VAT1L: variants seen among roughly 807,000 people sequenced by gnomAD.
The protein encoded by VAT1L is vesicle amine transport 1 like, also known as putative NADPH-dependent quinone oxidoreductase VAT1L.
In VAT1L, 34 loss-of-function variants were observed where a neutral mutation model predicts 44.1. That is an observed-to-expected ratio of 0.77 (90% confidence interval 0.59 to 1.03). The LOEUF is 1.03. VAT1L is among the 50% of genes least tolerant of loss of function. The pLI, the probability that VAT1L is intolerant of heterozygous loss-of-function variation, is 0.00. For synonymous variants in VAT1L, 253 were observed against 202.2 expected (o/e 1.25, Z -2.13); for missense variants, 615 against 538.8 (o/e 1.14, Z -1.40).
chr16:77,833,292 A>T (rs577255052), intron 3 of VAT1L, among the ~76,000 whole-genome samples: 6 of 152,338 alleles, frequency 3.9e-5, no homozygotes, highest in South Asian at 4.1e-4. Context: ...GTGCTACACC[A>T]GGGAGATACA....
intron 7 of VAT1L, among the ~76,000 whole-genome samples, chr16:77,912,691 A>T (rs2017511468): frequency 6.6e-6 from 1 of 152,144 alleles, no homozygotes; most frequent in Non-Finnish European, 1.5e-5. Flanking sequence ...TCTTGACCTC[A>T]CCCCACCTGA....
At chr16:77,950,223 A>C (rs2018025103) in intron 7 of VAT1L, among the ~76,000 whole-genome samples, 1 of 152,166 alleles carries the variant, frequency 6.6e-6, no homozygotes, top group Non-Finnish European at 1.5e-5. Context: ...AGCCTGGCCA[A>C]CATGGGGAAA....
intron 3 of VAT1L, among the ~76,000 whole-genome samples, chr16:77,857,286 A>G (rs146129028): frequency 4.6e-5 from 7 of 152,280 alleles, no homozygotes; most frequent in Admixed American, 4.6e-4. Flanking sequence ...CACAAATGTT[A>G]TTGAGTCCAT....
intron 3 of VAT1L, among the ~76,000 whole-genome samples, chr16:77,826,194 G>A (rs546863158): frequency 7.7e-6 from 1 of 130,060 alleles, no homozygotes. Flanking sequence ...GCGACAGAGC[G>A]AGACTCCGTC....
chr16:77,886,901 ATGTG>A (rs1004318309), intron 7 of VAT1L, among the ~76,000 whole-genome samples: 13 of 152,246 alleles, frequency 8.5e-5, no homozygotes, highest in East Asian at 5.8e-4. Flanking sequence ...ACTACCATAT[ATGTG>A]TGTGTATGTA....
chr16:77,952,330 C>A (rs745783588), intron 7 of VAT1L, among the ~76,000 whole-genome samples: 12 of 152,244 alleles, frequency 7.9e-5, no homozygotes, highest in African/African-American at 2.2e-4. Context: ...TAATCCCCAA[C>A]GTTGGAGATG....
chr16:77,881,327 T>C (rs78603585), intron 6 of VAT1L, among the ~76,000 whole-genome samples: 5,011 of 152,288 alleles, frequency 0.033, 284 homozygotes, highest in African/African-American at 0.11. Flanking sequence ...TTACAGCACA[T>C]AAGATAGGTG....
rs545883293 is a variant in VAT1L at position 77,829,399 on chromosome 16, G to A, written c.579+3938G>A. Among the ~76,000 whole-genome samples the A allele has an allele frequency of 4.6e-5, 7 of 152,314 alleles. No individual in the cohort carries two copies. In the East Asian group the frequency reaches 1.4e-3, roughly 29 times the overall value. The stretch of plus-strand genomic sequence containing the variant: ...TCCGAGTTTCATCAAAGGCTGAGAT[G>A]GGGAATTTGCAGACAGCATGTGAGG... On this transcript the variant is annotated intron_variant, in intron 3 of 8. Coordinates refer to ENST00000302536, the MANE Select transcript of VAT1L (RefSeq NM_020927.3).
intron 1 of VAT1L, among the ~76,000 whole-genome samples, chr16:77,803,926 T>C (rs185749471): frequency 8.5e-4 from 130 of 152,266 alleles, no homozygotes; most frequent in Non-Finnish European, 1.5e-3. Flanking sequence ...CATTCAGTGA[T>C]ACTTTCTGTG....
chr16:77,814,373 G>A (rs2016316218), intron 1 of VAT1L, among the ~76,000 whole-genome samples: 1 of 152,196 alleles, frequency 6.6e-6, no homozygotes, highest in Admixed American at 6.5e-5. Flanking sequence ...TGACCTGACA[G>A]AATCGCCTAA....
chr16:77,849,422 C>T (rs2016787272), intron 3 of VAT1L, among the ~76,000 whole-genome samples: 1 of 152,172 alleles, frequency 6.6e-6, no homozygotes, highest in Admixed American at 6.5e-5. Context: ...TTCTACATGC[C>T]TGGCTGTGTA....
rs746288730 is a variant in VAT1L, at chr16:77,884,601, T to C, written c.883-7T>C. 6.2e-7 allele frequency: 1 copy of C among 1,612,114 alleles called. No individual in the cohort carries two copies. The highest frequency in any genetic ancestry group is 8.5e-7 in the Non-Finnish European group (1 of 1,179,328). The stretch of plus-strand genomic sequence containing the variant: ...TTCCTATAACCCAATACCACCTCTC[T>C]TTGCAGTGGTGGCAGGTGGAGAAGG... On this transcript the variant is annotated splice_region_variant and splice_polypyrimidine_tract_variant and intron_variant, in intron 6 of 8. Coordinates refer to ENST00000302536, the MANE Select transcript of VAT1L (RefSeq NM_020927.3). The surrounding 1 kb of genome is among the most constrained non-coding windows in gnomAD (Gnocchi z 4.5).
chr16:77,892,190 G>T (rs2017273670), intron 7 of VAT1L, among the ~76,000 whole-genome samples: 1 of 152,186 alleles, frequency 6.6e-6, no homozygotes. Flanking sequence ...ACCAGACTGG[G>T]AAGGGGACAG....
chr16:77,910,829 T>C (rs1019155490), intron 7 of VAT1L, among the ~76,000 whole-genome samples: 1 of 152,208 alleles, frequency 6.6e-6, no homozygotes, highest in Admixed American at 6.5e-5. Context: ...ATCATAATTA[T>C]TAGACATTTG....
At chr16:77,849,416 A>G (rs1049426225) in intron 3 of VAT1L, among the ~76,000 whole-genome samples, 1 of 152,176 alleles carries the variant, frequency 6.6e-6, no homozygotes, top group Non-Finnish European at 1.5e-5. Context: ...AACAAATTCT[A>G]CATGCCTGGC....
chr16:77,815,896 A>AG (rs1238267243), intron 1 of VAT1L, among the ~76,000 whole-genome samples: 1 of 149,034 alleles, frequency 6.7e-6, no homozygotes, highest in Non-Finnish European at 1.5e-5. Flanking sequence ...TGAACCCGGG[A>AG]GGTGGAGGTT....
chr16:77,867,052 GCT>G (rs916823472), intron 4 of VAT1L, among the ~76,000 whole-genome samples: 6 of 152,158 alleles, frequency 3.9e-5, no homozygotes, highest in Non-Finnish European at 8.8e-5. Context: ...CTGCCATCCT[GCT>G]ACGAGTTCAA....
intron 3 of VAT1L, among the ~76,000 whole-genome samples, chr16:77,859,089 C>T (rs535134429): frequency 3.3e-5 from 5 of 151,048 alleles, no homozygotes; most frequent in East Asian, 3.9e-4. Context: ...GAGCTAAGAT[C>T]GTGCTGCTGC....
intron 2 of VAT1L, among the ~76,000 whole-genome samples, chr16:77,820,064 C>T (rs1474996533): frequency 6.6e-6 from 1 of 152,192 alleles, no homozygotes; most frequent in Non-Finnish European, 1.5e-5. Flanking sequence ...GTAGGTTCCT[C>T]TGTTATGCAC....
Sources: allele counts gnomAD v4.1 joint callset (sites outside exome capture counted in the v4.1 genomes callset), GRCh38; gene constraint gnomAD v4.1.1; non-coding constraint Gnocchi (gnomAD v3.1); transcripts MANE v1.5; gene names NCBI Gene and HGNC (gene_info 2026-07-23, HGNC 2026-07-21).